Variants in BATF observed in about 807,000 individuals in gnomAD.
The protein encoded by BATF is basic leucine zipper ATF-like transcription factor, also known as basic leucine zipper transcriptional factor ATF-like.
BATF carries 5 observed loss-of-function variants against 13.7 expected under a neutral mutation model. The observed-to-expected ratio is 0.36, with a 90% CI of 0.19 to 0.77. BATF has a LOEUF of 0.77. Ranked by LOEUF, BATF falls within the 30% of genes least tolerant of loss-of-function variation. The pLI is 0.51. For missense variants in BATF, 124 were observed against 163.0 expected (o/e 0.76, Z 1.30); for synonymous variants, 72 against 67.5 (o/e 1.07, Z -0.33).
At chr14:75,523,144 C>A (rs1887599034) in intron 1 of BATF, among the ~76,000 whole-genome samples, 1 of 151,280 alleles carries the variant, frequency 6.6e-6, no homozygotes, top group Non-Finnish European at 1.5e-5. Flanking sequence ...AGCTCAAATC[C>A]TAGATATGCA....
chr14:75,525,718 C>T (rs1396595863), intron 2 of BATF, among the ~76,000 whole-genome samples: 1 of 148,964 alleles, frequency 6.7e-6, no homozygotes, highest in Non-Finnish European at 1.5e-5. Context: ...GGAGGCTGAA[C>T]AGAGAAATGG....
At chr14:75,541,780 C>T (rs1432046067) in intron 2 of BATF, among the ~76,000 whole-genome samples, 1 of 152,226 alleles carries the variant, frequency 6.6e-6, no homozygotes, top group Non-Finnish European at 1.5e-5. Flanking sequence ...TCTCCTGCCT[C>T]AGCCTCCGGA....
At chr14:75,526,189 T>G (rs545535791) in intron 2 of BATF, among the ~76,000 whole-genome samples, 30 of 152,340 alleles carry the variant, frequency 2.0e-4, no homozygotes, top group African/African-American at 7.2e-4. Flanking sequence ...GTGCCCCTTA[T>G]AAAGTACTGC....
intron 2 of BATF, among the ~76,000 whole-genome samples, chr14:75,529,958 A>G (rs968564946): frequency 6.0e-5 from 9 of 150,902 alleles, no homozygotes; most frequent in Non-Finnish European, 1.2e-4. Context: ...CAGCTACTTG[A>G]GAGGCTGAGG....
intron 2 of BATF, among the ~76,000 whole-genome samples, chr14:75,545,176 C>T (rs1340334139): frequency 5.3e-5 from 8 of 152,034 alleles, no homozygotes; most frequent in African/African-American, 9.7e-5. Context: ...TGGAACAAAA[C>T]GTTGTAGCAG....
At chr14:75,529,620 G>C (rs997180094) in intron 2 of BATF, among the ~76,000 whole-genome samples, 1 of 152,160 alleles carries the variant, frequency 6.6e-6, no homozygotes, top group Non-Finnish European at 1.5e-5. Flanking sequence ...AAAAGTAAAA[G>C]TTTCTTTATA....
intron 2 of BATF, among the ~76,000 whole-genome samples, chr14:75,538,055 C>T (rs147251866): frequency 1.3e-4 from 20 of 152,180 alleles, no homozygotes; most frequent in Non-Finnish European, 1.9e-4. Context: ...ACCTCCCAGG[C>T]ACAAATGATC....
intron 1 of BATF, among the ~76,000 whole-genome samples, chr14:75,523,481 G>C (rs1887607459): frequency 6.6e-6 from 1 of 152,212 alleles, no homozygotes; most frequent in South Asian, 2.1e-4. Flanking sequence ...CTGAGATAGG[G>C]ATTGTGGGAG....
chr14:75,536,579 T>A (rs573197777), intron 2 of BATF, among the ~76,000 whole-genome samples: 7 of 151,996 alleles, frequency 4.6e-5, no homozygotes, highest in South Asian at 4.2e-4. Flanking sequence ...AAATTTTTTT[T>A]AAATATCCAG....
At chr14:75,525,384 C>T (rs1039990076) in intron 2 of BATF, among the ~76,000 whole-genome samples, 196 bp downstream of exon 2, 9 of 151,826 alleles carry the variant, frequency 5.9e-5, no homozygotes, top group East Asian at 1.9e-4. Context: ...CTCTGTAGTC[C>T]GGGCGTGGTG....
At chr14:75,526,574 C>T (rs1022534542) in intron 2 of BATF, among the ~76,000 whole-genome samples, 5 of 152,222 alleles carry the variant, frequency 3.3e-5, no homozygotes, top group African/African-American at 1.2e-4. Flanking sequence ...ACCAACAGCT[C>T]TGATTGGGTG....
At chr14:75,540,231 G>A (rs1236778478) in intron 2 of BATF, among the ~76,000 whole-genome samples, 6 of 152,286 alleles carry the variant, frequency 3.9e-5, no homozygotes, top group Admixed American at 2.0e-4. Flanking sequence ...CTTGGTCTTC[G>A]TCCCTAATGG....
chr14:75,531,868 A>G (rs142630533), intron 2 of BATF, among the ~76,000 whole-genome samples: 2 of 152,300 alleles, frequency 1.3e-5, no homozygotes, highest in East Asian at 1.9e-4. Context: ...AGACCATGCC[A>G]TAATGTTTGT....
At position 75,540,445 on chromosome 14, in the gene BATF, C is replaced by T. The variant is rs372495826; in HGVS notation, c.169-6017C>T. Among the ~76,000 whole-genome samples the T allele has an allele frequency of 6.6e-5, 10 of 152,284 alleles. No individual in the cohort carries two copies. The South Asian group carries it at 2.1e-3, about 32-fold the overall frequency. On this transcript the variant is annotated intron_variant, in intron 2 of 2. Coordinates refer to ENST00000286639, the MANE Select transcript of BATF (RefSeq NM_006399.5). ...ATGACCCCACAGGTGAGGGATTTGC[C>T]TGAGGTGGGAAAAGAGGGAAGATAA...
intron 2 of BATF, among the ~76,000 whole-genome samples, chr14:75,542,777 C>T (rs758036500): frequency 4.6e-5 from 7 of 152,344 alleles, no homozygotes; most frequent in Admixed American, 1.3e-4. Context: ...TTATCACTGG[C>T]GGTGGTTTTC....
intron 2 of BATF, among the ~76,000 whole-genome samples, chr14:75,527,442 C>G (rs1887670128): frequency 1.3e-5 from 2 of 152,172 alleles, no homozygotes; most frequent in South Asian, 2.1e-4. Context: ...AGATCTTCCT[C>G]TCTCCCAATT....
At chr14:75,544,888 A>G (rs1456349170) in intron 2 of BATF, among the ~76,000 whole-genome samples, 1 of 150,098 alleles carries the variant, frequency 6.7e-6, no homozygotes, top group Non-Finnish European at 1.5e-5. Context: ...GGTTGAGTCG[A>G]ATAATGTAAA....
At chr14:75,534,207 A>T (rs1566767607) in intron 2 of BATF, among the ~76,000 whole-genome samples, 1 of 152,258 alleles carries the variant, frequency 6.6e-6, no homozygotes, top group Non-Finnish European at 1.5e-5. Flanking sequence ...AAGGTTTAAT[A>T]TTTATGCTAC....
chr14:75,540,824 G>A (rs897349150), intron 2 of BATF, among the ~76,000 whole-genome samples: 4 of 152,192 alleles, frequency 2.6e-5, no homozygotes, highest in African/African-American at 9.6e-5. Context: ...GATGATTCAC[G>A]CCTGAAATCC....
Sources: gnomAD v4.1 joint callset for allele counts (sites outside exome capture counted in the v4.1 genomes callset) on GRCh38, gnomAD v4.1.1 for gene constraint, MANE v1.5 for transcripts, NCBI Gene and HGNC (gene_info 2026-07-23, HGNC 2026-07-21) for gene names.